The following PAK3 variants were observed in gnomAD, a reference collection of about 807,000 sequenced individuals.
The protein encoded by PAK3 is p21 (RAC1) activated kinase 3, also known as serine/threonine-protein kinase PAK 3.
In PAK3, 4 loss-of-function variants were observed where a neutral mutation model predicts 41.0. The ratio of observed to expected loss-of-function variants is 0.10; its 90% CI spans 0.05 to 0.22. The LOEUF (loss-of-function observed/expected upper bound fraction) is 0.22, where lower values mean the gene tolerates loss of function less well. PAK3 is among the 10% of genes least tolerant of loss of function. The pLI, the probability that PAK3 is intolerant of heterozygous loss-of-function variation, is 1.00. For missense variants in PAK3, 205 were observed against 409.9 expected (o/e 0.50, Z 4.32); for synonymous variants, 146 against 139.6 (o/e 1.05, Z -0.32).
chrX:111,192,145 T>C lies in PAK3; in HGVS notation c.849T>C (p.Tyr283=), dbSNP rs374626503. The C allele has an allele frequency of 3.0e-5, 34 of 1,126,829 alleles. No individual in the cohort carries two copies. Among genetic ancestry groups the C allele is most frequent in the Admixed American group, 4.4e-5 (2 of 45,448 alleles). The allele number at this position is 1,126,829 out of a possible 1,213,427, so 92.9% of individuals were successfully genotyped here. A position where few individuals can be genotyped will look rare whatever the true frequency, so the allele number is the denominator to read the frequency against. ...TTCACAGGGCATCAGGTACTGTTTA[T>C]ACAGCACTAGACATTGCAACAGGAC... ...KIGQGASGTV[Y]TALDIATGQE... The change falls in exon 12 of 18, where the codon TAT becomes TAC. Residue 283 remains tyrosine, a synonymous_variant. Coordinates refer to ENST00000372007, the MANE Select transcript of PAK3 (RefSeq NM_002578.5).
chrX:111,014,002 G>T (rs373854181), intron 1 of PAK3: 2 of 111,545 alleles, frequency 1.8e-5, no homozygotes, highest in East Asian at 5.7e-4. Context: ...TCTTCATGTT[G>T]TGTCAGTTAC....
chrX:111,087,057 C>CT (rs35137649), intron 1 of PAK3, among the ~76,000 whole-genome samples: 1 of 110,118 alleles, frequency 9.1e-6, no homozygotes, highest in East Asian at 2.9e-4. Context: ...GCCCCCTTTC[C>CT]TTTTTGGCAG....
At chrX:111,118,258 C>T (rs951041998) in intron 4 of PAK3, among the ~76,000 whole-genome samples, 16 of 111,231 alleles carry the variant, frequency 1.4e-4, no homozygotes, top group Admixed American at 2.9e-4. Context: ...TTGTAAATAA[C>T]GCATCTAAGA....
chrX:111,056,796 C>T (rs2092608537), intron 1 of PAK3, among the ~76,000 whole-genome samples: 1 of 111,745 alleles, frequency 8.9e-6, no homozygotes, highest in Admixed American at 9.5e-5. Flanking sequence ...TGCTATTACA[C>T]ATAGTGATTC....
rs201901390 is a variant in PAK3, at chrX:111,197,697, CT to C, written c.1407+1068del. Among the ~76,000 whole-genome samples the C allele has an allele frequency of 4.9e-3, 517 of 105,296 alleles. 5 individuals are homozygous for C. Among genetic ancestry groups the C allele is most frequent in the African/African-American group, 0.016 (477 of 29,241 alleles). The allele number at this position is 105,296 out of a possible 115,157, so 91.4% of individuals were successfully genotyped here. On this transcript the variant is annotated intron_variant, in intron 16 of 17. Transcript: ENST00000372007. ...CTCGCCAGCATCTGTTATTTTTTGA[CT>C]TTTTTTTTTTGAGACAGAGTCTTGC...
At chrX:111,156,264 G>A (rs141958541) in intron 8 of PAK3, among the ~76,000 whole-genome samples, 5,678 of 111,483 alleles carry the variant, frequency 0.051, 384 homozygotes, top group African/African-American at 0.18. Context: ...CTGATAGGTC[G>A]TGGGTAAAAA....
At chrX:111,141,557 G>A (rs1443723177) in intron 5 of PAK3, among the ~76,000 whole-genome samples, 1 of 112,019 alleles carries the variant, frequency 8.9e-6, no homozygotes. Flanking sequence ...TAACATAATT[G>A]ATTTGCAGTG....
chrX:111,004,077 A>T (rs1602733297), intron 1 of PAK3, among the ~76,000 whole-genome samples: 1 of 112,564 alleles, frequency 8.9e-6, no homozygotes, highest in African/African-American at 3.2e-5. Context: ...GCATATAGCA[A>T]GTGCTCCAGG....
intron 1 of PAK3, among the ~76,000 whole-genome samples, chrX:111,054,004 T>C (rs2092583263): frequency 8.9e-6 from 1 of 112,390 alleles, no homozygotes; most frequent in African/African-American, 3.2e-5. Context: ...CTGGCCTTTG[T>C]GGCCTACCCA....
chrX:111,164,647 C>A (rs891385475), intron 10 of PAK3, among the ~76,000 whole-genome samples: 1 of 111,350 alleles, frequency 9.0e-6, no homozygotes, highest in Admixed American at 9.6e-5. Context: ...CTAGTTCATA[C>A]CCATTACATA....
chrX:110,966,437 G>A (rs2091083376), intron 1 of PAK3, among the ~76,000 whole-genome samples: 1 of 110,833 alleles, frequency 9.0e-6, no homozygotes, highest in Admixed American at 9.6e-5. Context: ...CTCAAAAAAG[G>A]AGGGAGGGAG....
chrX:111,101,442 G>T (rs1383921237), intron 3 of PAK3, among the ~76,000 whole-genome samples: 9 of 111,943 alleles, frequency 8.0e-5, no homozygotes, highest in Non-Finnish European at 1.5e-4. Flanking sequence ...AATTGAGGCT[G>T]GGGGGAGGGG....
chrX:111,083,380 T>A (rs1408952080), intron 1 of PAK3, among the ~76,000 whole-genome samples: 1 of 112,393 alleles, frequency 8.9e-6, no homozygotes, highest in African/African-American at 3.2e-5. Context: ...CCTTCATGAC[T>A]TGCTGCTCTC....
chrX:111,018,443 G>A (rs1016058016), intron 1 of PAK3, among the ~76,000 whole-genome samples: 12 of 110,886 alleles, frequency 1.1e-4, no homozygotes, highest in Admixed American at 9.6e-5. Flanking sequence ...TCTATACACC[G>A]ACAACAAGCA....
At chrX:110,963,488 T>C (rs990237829) in intron 1 of PAK3, among the ~76,000 whole-genome samples, 1 of 112,222 alleles carries the variant, frequency 8.9e-6, no homozygotes, top group Non-Finnish European at 1.9e-5. Flanking sequence ...AATCTGGTGG[T>C]TCCCAGGCCC....
chrX:111,077,785 C>A (rs1451214448), intron 1 of PAK3, among the ~76,000 whole-genome samples: 2 of 111,609 alleles, frequency 1.8e-5, no homozygotes, highest in South Asian at 3.7e-4. Context: ...AAAGCACAGA[C>A]AACTAAAGCG....
intron 16 of PAK3, among the ~76,000 whole-genome samples, chrX:111,201,370 T>G (rs1243091308): frequency 5.4e-5 from 6 of 111,963 alleles, no homozygotes; most frequent in Non-Finnish European, 3.8e-5. Flanking sequence ...GGATCTAACA[T>G]GAGCCTATAG....
Position 111,123,138 on chromosome X carries a change from C to T in PAK3, c.35C>T (p.Pro12Leu). Reference protein sequence around the residue: ...SDGLDNEEKPPAPPLRMNSNN... With the variant: ...SDGLDNEEKPLAPPLRMNSNN... ...GGTCTGGATAATGAAGAGAAACCCCCGGCTCCTCCACTGAGGATGAATAGT... is the reference window on the plus strand; with the variant it reads ...GGTCTGGATAATGAAGAGAAACCCCTGGCTCCTCCACTGAGGATGAATAGT... Residue 12 changes from proline to leucine, a missense_variant, in exon 5 of 18, where the codon CCG (proline) becomes CTG (leucine). Around this residue, in one of 5 missense-constraint regions of PAK3, gnomAD observed 26 missense variants for 27.4 expected, o/e 0.95. Transcript: ENST00000372007. The T allele has an allele frequency of 8.3e-7, 1 of 1,206,340 alleles. No individual in the cohort carries two copies. The highest frequency in any genetic ancestry group is 1.1e-6 in the Non-Finnish European group (1 of 890,753).
chrX:111,118,325 T>C (rs1464394089), intron 4 of PAK3, among the ~76,000 whole-genome samples: 1 of 111,417 alleles, frequency 9.0e-6, no homozygotes, highest in East Asian at 2.8e-4. Context: ...TGTTTCCCAG[T>C]CAAGTCTATG....
Sources: allele counts gnomAD v4.1 joint callset (sites outside exome capture counted in the v4.1 genomes callset), GRCh38; gene constraint gnomAD v4.1.1; regional missense constraint gnomAD v4.1.1; transcripts MANE v1.5; gene names NCBI Gene and HGNC (gene_info 2026-07-23, HGNC 2026-07-21).